Variants in KIAA1217 observed in about 807,000 individuals in gnomAD.
The protein encoded by KIAA1217 is KIAA1217.
In KIAA1217, 88 loss-of-function variants were observed where a neutral mutation model predicts 163.9. That is an observed-to-expected ratio of 0.54 (90% CI 0.45 to 0.64). The LOEUF (loss-of-function observed/expected upper bound fraction) is 0.64. Among genes scored for constraint, KIAA1217 ranks in the 30% least tolerant of loss-of-function variants. The probability of loss-of-function intolerance (pLI) is 0.00; values close to 1 mark genes in which losing one functional copy is unlikely to be tolerated. For synonymous variants in KIAA1217, 903 were observed against 923.1 expected, an observed-to-expected ratio of 0.98 and a Z score of 0.39; for missense variants, 2,372 against 2,475.0, an observed-to-expected ratio of 0.96 and a Z score of 0.88.
At chr10:24,414,052 C>T (rs984660354) in intron 3 of KIAA1217, among the ~76,000 whole-genome samples, 1 of 152,168 alleles carries the variant, frequency 6.6e-6, no homozygotes, top group Non-Finnish European at 1.5e-5. Flanking sequence ...TTACCATACC[C>T]ATTTTGTTTA....
At chr10:24,487,302 T>A (rs577910198) in intron 6 of KIAA1217, among the ~76,000 whole-genome samples, 2 of 152,348 alleles carry the variant, frequency 1.3e-5, no homozygotes, top group East Asian at 3.9e-4. Context: ...GTAGCCACCA[T>A]GCCCACCCAA....
chr10:23,790,270 C>T lies in KIAA1217; in HGVS notation c.-321+95036C>T, dbSNP rs866607247. Reference sequence around the variant, plus strand: ...ATATGCATATGCACATATGCATATGCACATATGCATATGCACATATGCATA... The same window carrying T: ...ATATGCATATGCACATATGCATATGTACATATGCATATGCACATATGCATA... On this transcript the variant is annotated intron_variant, in intron 1 of 18. Coordinates refer to the KIAA1217 transcript ENST00000376462. Among the ~76,000 whole-genome samples, 11 of 87,056 alleles carry T rather than the reference C, an allele frequency of 1.3e-4. 4 individuals carry two copies. Among genetic ancestry groups the T allele is most frequent in the Non-Finnish European group, 2.0e-4 (9 of 45,302 alleles). 57.1% of individuals were successfully genotyped at this position (87,056 alleles called of 152,430 possible).
At chr10:23,940,751 C>T (rs1311272458) in intron 1 of KIAA1217, among the ~76,000 whole-genome samples, 1 of 152,128 alleles carries the variant, frequency 6.6e-6, no homozygotes, top group African/African-American at 2.4e-5. Context: ...TATTCTGTGA[C>T]AAGGGAATTA....
chr10:24,271,464 G>A (rs972099094), intron 2 of KIAA1217, among the ~76,000 whole-genome samples: 2 of 152,090 alleles, frequency 1.3e-5, no homozygotes, highest in Non-Finnish European at 2.9e-5. Flanking sequence ...AAGAAGAGTA[G>A]GAATAGGATG....
In KIAA1217 at chr10:24,513,364, C is replaced by T. The variant is rs1270983484; in HGVS notation, c.2107C>T (p.Gln703Ter). The change falls in exon 10 of 21, where the codon CAG (glutamine) becomes TAG (stop). Residue 703 changes from glutamine (Q) to a stop codon, truncating the protein, a stop_gained. Coordinates refer to ENST00000376454, the MANE Select transcript of KIAA1217 (RefSeq NM_019590.5). LOFTEE classifies it high-confidence loss of function. ...MKRLEDPVQRQRVLVEQERQK... is the reference protein window; with the variant it reads ...MKRLEDPVQR ...GAGACTGGAGGATCCCGTGCAGCGACAGCGCGTCCTAGTGGAGCAAGAGAG... is the reference window on the plus strand; with the variant it reads ...GAGACTGGAGGATCCCGTGCAGCGATAGCGCGTCCTAGTGGAGCAAGAGAG... 6.2e-7 allele frequency: 1 copy of T among 1,614,072 alleles called. No homozygotes were observed. The highest frequency in any genetic ancestry group is 1.3e-5 in the African/African-American group (1 of 74,926).
chr10:24,531,876 G>T lies in KIAA1217; in HGVS notation c.3129G>T (p.Lys1043Asn). ...SEQDLEKLGG[K>N]SPPPPPPPPR... The stretch of plus-strand genomic sequence containing the variant: ...AGGACTTGGAAAAGCTGGGGGGAAA[G>T]TCGCCCCCTCCTCCTCCGCCACCTC... Residue 1043 changes from lysine to asparagine, a missense_variant, in exon 15 of 21, where the codon AAG (lysine) becomes AAT (asparagine). Coordinates refer to ENST00000376454, the MANE Select transcript of KIAA1217 (RefSeq NM_019590.5). The T allele has an allele frequency of 1.2e-6, 2 of 1,608,600 alleles. No homozygotes were observed. Among genetic ancestry groups the T allele is most frequent in the Non-Finnish European group, 1.7e-6 (2 of 1,176,812 alleles).
chr10:24,305,914 G>A (rs186400636), intron 2 of KIAA1217, among the ~76,000 whole-genome samples: 10 of 152,066 alleles, frequency 6.6e-5, no homozygotes, highest in South Asian at 2.1e-4. Flanking sequence ...GAAAGAGATC[G>A]CCCAGGAGAG....
rs12262590 is a variant in KIAA1217, at chr10:23,935,962, A to G, written c.-320-71263A>G. 2.7e-3 allele frequency among the ~76,000 whole-genome samples: 410 copies of G among 152,318 alleles called. 2 individuals are homozygous for G. Among genetic ancestry groups the G allele is most frequent in the African/African-American group, 9.3e-3 (387 of 41,574 alleles). ...ATAATAAAGGTCCTGATTACAAAAGAGACTGCAAGGTAGATTGCAGGACCT... is the reference window on the plus strand; with the variant it reads ...ATAATAAAGGTCCTGATTACAAAAGGGACTGCAAGGTAGATTGCAGGACCT... On this transcript the variant is annotated intron_variant, in intron 1 of 18. Transcript: ENST00000376462.
intron 2 of KIAA1217, among the ~76,000 whole-genome samples, chr10:24,264,307 T>C (rs2075995947): frequency 6.6e-6 from 1 of 152,180 alleles, no homozygotes; most frequent in South Asian, 2.1e-4. Flanking sequence ...TTTTGTTGTA[T>C]GTCTGAGACA....
At chr10:24,340,971 G>A (rs139686974) in intron 2 of KIAA1217, among the ~76,000 whole-genome samples, 127 of 152,166 alleles carry the variant, frequency 8.3e-4, no homozygotes, top group African/African-American at 2.6e-3. Flanking sequence ...CATGTTATGC[G>A]CCGATAGTTC....
At chr10:24,066,834 G>T (rs1358934262) in intron 2 of KIAA1217, among the ~76,000 whole-genome samples, 1 of 152,114 alleles carries the variant, frequency 6.6e-6, no homozygotes, top group Non-Finnish European at 1.5e-5. Context: ...TGGAGGCTTT[G>T]TTCATTTCTT....
At chr10:24,421,141 G>A (rs2058704066) in intron 3 of KIAA1217, among the ~76,000 whole-genome samples, 1 of 152,154 alleles carries the variant, frequency 6.6e-6, no homozygotes, top group African/African-American at 2.4e-5. Flanking sequence ...AAGGAGCTGA[G>A]ACTACAGGCC....
At chr10:24,532,965 C>T in intron 15 of KIAA1217, 105 bp from the exon 16 acceptor site, 1 of 975,332 alleles carries the variant, frequency 1.0e-6, no homozygotes, top group Non-Finnish European at 1.4e-6. Context: ...CAGCTAAGAT[C>T]TAGGAAGCAA....
At chr10:24,100,589 A>G (rs1231596743) in intron 2 of KIAA1217, among the ~76,000 whole-genome samples, 1 of 152,150 alleles carries the variant, frequency 6.6e-6, no homozygotes, top group Non-Finnish European at 1.5e-5. Flanking sequence ...TTAATACTTA[A>G]AGTGAATGTT....
intron 5 of KIAA1217, among the ~76,000 whole-genome samples, chr10:24,445,759 T>G (rs1359005399): frequency 2.0e-5 from 3 of 152,020 alleles, no homozygotes; most frequent in Non-Finnish European, 4.4e-5. Flanking sequence ...ATGTGCCACA[T>G]TTTCTTAATC....
intron 6 of KIAA1217, among the ~76,000 whole-genome samples, chr10:24,476,511 A>G (rs565464813): frequency 6.6e-6 from 1 of 152,316 alleles, no homozygotes; most frequent in South Asian, 2.1e-4. Context: ...AGAAAATCCA[A>G]ATTATTCTAT....
intron 1 of KIAA1217, among the ~76,000 whole-genome samples, chr10:23,765,814 G>A (rs914082471): frequency 6.6e-6 from 1 of 152,102 alleles, no homozygotes; most frequent in African/African-American, 2.4e-5. Context: ...GAGTCTGTTC[G>A]ATCTCTTTTC....
intron 2 of KIAA1217, among the ~76,000 whole-genome samples, chr10:24,174,007 C>G (rs2065754220): frequency 6.6e-6 from 1 of 152,196 alleles, no homozygotes; most frequent in African/African-American, 2.4e-5. Context: ...CTGCCATGTT[C>G]TCTTCCATCA....
rs528120392 is a variant in KIAA1217 at position 24,183,513 on chromosome 10, C to T, written c.-170-36113C>T. Among the ~76,000 whole-genome samples the T allele has an allele frequency of 2.0e-5, 3 of 152,198 alleles. No homozygotes were observed. The South Asian group carries it at 6.2e-4, about 32-fold the overall frequency. On this transcript the variant is annotated intron_variant, in intron 2 of 18. Transcript: ENST00000376462. The stretch of plus-strand genomic sequence containing the variant: ...CTCTGTGTCCTAAAAATAATTCCCC[C>T]AAATCATTATTTGCTGCGTTTTGAA...
Sources: allele counts gnomAD v4.1 joint callset (sites outside exome capture counted in the v4.1 genomes callset), GRCh38; gene constraint gnomAD v4.1.1; transcripts MANE v1.5; gene names NCBI Gene and HGNC (gene_info 2026-07-23, HGNC 2026-07-21).